EPHB1: variants seen among roughly 807,000 people sequenced by gnomAD.
The protein encoded by EPHB1 is ephrin type-B receptor 1.
A neutral mutation model predicts 94.4 loss-of-function variants in EPHB1; 30 were observed. The ratio of observed to expected loss-of-function variants is 0.32; its 90% CI spans 0.24 to 0.43. EPHB1 has a LOEUF of 0.43. Ranked by LOEUF, EPHB1 falls within the 20% of genes least tolerant of loss-of-function variation. EPHB1 has a pLI of 1.00. For synonymous variants in EPHB1, 522 were observed against 489.1 expected (o/e 1.07, Z -0.89); for missense variants, 1,055 against 1,308.3 (o/e 0.81, Z 2.99).
chr3:134,860,172 G>GACACAC (rs71139560), intron 1 of EPHB1, among the ~76,000 whole-genome samples: 8,451 of 139,176 alleles, frequency 0.061, 742 homozygotes, highest in African/African-American at 0.2. Context: ...CACACACACA[G>GACACAC]ACACACACAC....
At chr3:134,952,344 T>C (rs1276803671) in intron 3 of EPHB1, among the ~76,000 whole-genome samples, 3 of 144,354 alleles carry the variant, frequency 2.1e-5, no homozygotes, top group African/African-American at 8.2e-5. Context: ...TGAATTTATC[T>C]CTCTCTCTTC....
At chr3:135,151,939 A>G (rs138212790) in intron 5 of EPHB1, among the ~76,000 whole-genome samples, 147 of 152,358 alleles carry the variant, frequency 9.6e-4, no homozygotes, top group African/African-American at 3.5e-3. Context: ...CAGCAGGGAC[A>G]TGTTTTTGAT....
At chr3:135,025,176 T>C (rs1316218699) in intron 3 of EPHB1, among the ~76,000 whole-genome samples, 1 of 139,824 alleles carries the variant, frequency 7.2e-6, no homozygotes, top group African/African-American at 2.6e-5. Context: ...TTTTTTTTTT[T>C]TTTTTCAAGA....
chr3:135,080,109 G>C (rs1207834023), intron 3 of EPHB1, among the ~76,000 whole-genome samples: 1 of 152,186 alleles, frequency 6.6e-6, no homozygotes, highest in East Asian at 1.9e-4. Flanking sequence ...TAGCAACGCT[G>C]CCTCCCTGGC....
Position 135,260,219 on chromosome 3 carries a change from A to G in EPHB1, c.*1099A>G, listed in dbSNP as rs1339450741. 4.3e-6 allele frequency: 1 copy of G among 232,826 alleles called. No individual in the cohort carries two copies. Among genetic ancestry groups the G allele is most frequent in the Non-Finnish European group, 8.5e-6 (1 of 117,556 alleles). 14.4% of individuals were successfully genotyped at this position (232,826 alleles called of 1,614,324 possible). ...TTCTTTCACATCACTGGAATCTGCA[A>G]TTCAAGAAGTGACAAGGGAGAATTC... On this transcript the variant is annotated 3_prime_UTR_variant, in exon 16 of 16. Transcript: ENST00000398015.
At chr3:135,120,145 A>G (rs6785689) in intron 4 of EPHB1, among the ~76,000 whole-genome samples, 1 of 152,206 alleles carries the variant, frequency 6.6e-6, no homozygotes, top group Admixed American at 6.5e-5. Flanking sequence ...GACAAATGTC[A>G]TTAAACAATC....
At chr3:135,209,379 A>G (rs1489131125) in intron 12 of EPHB1, among the ~76,000 whole-genome samples, 2 of 152,252 alleles carry the variant, frequency 1.3e-5, no homozygotes, top group Non-Finnish European at 2.9e-5. Context: ...GGCAAATGCC[A>G]TCTGAATCAA....
At chr3:134,891,057 G>C (rs1456164253) in intron 1 of EPHB1, among the ~76,000 whole-genome samples, 1 of 152,038 alleles carries the variant, frequency 6.6e-6, no homozygotes, top group Non-Finnish European at 1.5e-5. Flanking sequence ...TTTGCCTACT[G>C]TTCCCACAAC....
At position 135,201,460 on chromosome 3, in the gene EPHB1, A is replaced by G. The variant is rs748730835; in HGVS notation, c.2131-14A>G. ...GCCCGTCTTGATCCCAATGCCCTCTATGTCTTATTACAGCAAAATGACGGG... is the reference window on the plus strand; with the variant it reads ...GCCCGTCTTGATCCCAATGCCCTCTGTGTCTTATTACAGCAAAATGACGGG... On this transcript the variant is annotated splice_polypyrimidine_tract_variant and intron_variant, in intron 11 of 15. Coordinates refer to ENST00000398015, the MANE Select transcript of EPHB1 (RefSeq NM_004441.5). 5 of 1,613,554 alleles carry G rather than the reference A, an allele frequency of 3.1e-6. No individual in the cohort carries two copies. The highest frequency in any genetic ancestry group is 3.4e-6 in the Non-Finnish European group (4 of 1,179,814).
At chr3:134,967,089 A>G (rs1933782822) in intron 3 of EPHB1, among the ~76,000 whole-genome samples, 1 of 152,306 alleles carries the variant, frequency 6.6e-6, no homozygotes, top group South Asian at 2.1e-4. Context: ...AGAGGGAGGG[A>G]CACATGGTGA....
intron 12 of EPHB1, among the ~76,000 whole-genome samples, chr3:135,210,289 C>T (rs900659177): frequency 2.6e-5 from 4 of 152,130 alleles, no homozygotes; most frequent in Admixed American, 6.5e-5. Flanking sequence ...TTCTGAGAGA[C>T]ACTTGTTTAA....
intron 2 of EPHB1, among the ~76,000 whole-genome samples, chr3:134,944,016 A>AT (rs1232294767): frequency 6.6e-6 from 1 of 152,124 alleles, no homozygotes; most frequent in Non-Finnish European, 1.5e-5. Context: ...CAATTCAGTA[A>AT]TTTTTTTGTA....
chr3:134,851,694 G>A (rs1560262844), intron 1 of EPHB1, among the ~76,000 whole-genome samples: 1 of 152,148 alleles, frequency 6.6e-6, no homozygotes, highest in Non-Finnish European at 1.5e-5. Context: ...ACAAAGGAGA[G>A]TTTTTTCCTA....
At chr3:135,166,698 C>G (rs1041548478) in intron 8 of EPHB1, among the ~76,000 whole-genome samples, 1 of 152,240 alleles carries the variant, frequency 6.6e-6, no homozygotes, top group Non-Finnish European at 1.5e-5. Context: ...GAATGGGGTC[C>G]CACAGTCCCG....
chr3:134,891,448 A>G (rs904742521), intron 1 of EPHB1, among the ~76,000 whole-genome samples: 21 of 152,282 alleles, frequency 1.4e-4, no homozygotes, highest in Non-Finnish European at 2.5e-4. Context: ...GATGTTTTTC[A>G]TTAAGCATTT....
intron 13 of EPHB1, among the ~76,000 whole-genome samples, chr3:135,247,333 A>G (rs1053183652): frequency 6.6e-5 from 10 of 152,178 alleles, no homozygotes; most frequent in East Asian, 1.9e-4. Flanking sequence ...CAGCTCTTTT[A>G]CCTGTTACAG....
chr3:135,149,690 CT>C (rs756871883), intron 5 of EPHB1, among the ~76,000 whole-genome samples: 7 of 152,182 alleles, frequency 4.6e-5, no homozygotes, highest in Non-Finnish European at 8.8e-5. Flanking sequence ...TGCTTTCTTG[CT>C]TTCTCCCATG....
chr3:135,020,346 C>T (rs750111246), intron 3 of EPHB1, among the ~76,000 whole-genome samples: 1 of 152,132 alleles, frequency 6.6e-6, no homozygotes, highest in East Asian at 1.9e-4. Context: ...TAGAGTTGTG[C>T]AACCATCGCC....
chr3:134,852,181 C>G (rs59087879), intron 1 of EPHB1, among the ~76,000 whole-genome samples: 6,226 of 152,072 alleles, frequency 0.041, 387 homozygotes, highest in African/African-American at 0.14. Flanking sequence ...CCACCCCTCA[C>G]CACTGTCTGC....
Sources: allele counts gnomAD v4.1 joint callset (sites outside exome capture counted in the v4.1 genomes callset), GRCh38; gene constraint gnomAD v4.1.1; transcripts MANE v1.5; gene names NCBI Gene and HGNC (gene_info 2026-07-23, HGNC 2026-07-21).